The following PTPRR variants were observed in gnomAD, a reference collection of about 807,000 sequenced individuals.
PTPRR encodes protein tyrosine phosphatase receptor type R.
In PTPRR, 38 loss-of-function variants were observed where a neutral mutation model predicts 77.2. That is an observed-to-expected ratio of 0.49 (90% CI 0.38 to 0.65). PTPRR has a LOEUF of 0.65. Ranked by LOEUF, PTPRR falls within the 30% of genes least tolerant of loss-of-function variation. The probability of loss-of-function intolerance (pLI) is 0.00; values close to 1 mark genes in which losing one functional copy is unlikely to be tolerated. For missense variants in PTPRR, 744 were observed against 799.2 expected, an observed-to-expected ratio of 0.93 and a Z score of 0.83; for synonymous variants, 299 against 283.1, an observed-to-expected ratio of 1.06 and a Z score of -0.57.
At chr12:70,893,522 G>A (rs770764776) in intron 1 of PTPRR, among the ~76,000 whole-genome samples, 7 of 151,794 alleles carry the variant, frequency 4.6e-5, no homozygotes, top group African/African-American at 7.3e-5. Context: ...AATATCCATC[G>A]TCTCCTTACT....
At chr12:70,663,075 T>C (rs1886854101) in intron 10 of PTPRR, among the ~76,000 whole-genome samples, 2 of 152,220 alleles carry the variant, frequency 1.3e-5, no homozygotes, top group South Asian at 4.1e-4. Context: ...TGAGAATATC[T>C]AATATGTTAG....
intron 4 of PTPRR, among the ~76,000 whole-genome samples, chr12:70,756,896 T>C (rs1344290040): frequency 6.6e-6 from 1 of 152,162 alleles, no homozygotes; most frequent in African/African-American, 2.4e-5. Flanking sequence ...AGAGAGGAAG[T>C]ACACAGAATA....
intron 1 of PTPRR, 88 bp downstream of exon 1, chr12:70,920,245 C>A: frequency 2.8e-6 from 4 of 1,417,550 alleles, no homozygotes; most frequent in Non-Finnish European, 3.9e-6. Flanking sequence ...AGGCTTTCTT[C>A]GCAAGGCAAG....
chr12:70,681,439 T>C (rs1887654897), intron 10 of PTPRR, among the ~76,000 whole-genome samples: 1 of 152,194 alleles, frequency 6.6e-6, no homozygotes, highest in Non-Finnish European at 1.5e-5. Context: ...AGTGCAGATG[T>C]CTGTGACATT....
rs1438957970 is a variant in PTPRR at position 70,920,409 on chromosome 12, T to C, written c.-19A>G. 6.2e-7 allele frequency: 1 copy of C among 1,609,732 alleles called. No homozygotes were observed. The highest frequency in any genetic ancestry group is 2.2e-5 in the East Asian group (1 of 44,730). On this transcript the variant is annotated 5_prime_UTR_variant, in exon 1 of 14. Transcript: ENST00000283228. ...TCCGCATAGTGTTTGCATTGAGAGG[T>C]GGAGGAGAAACTCCACCACGACCCC...
intron 11 of PTPRR, among the ~76,000 whole-genome samples, chr12:70,661,475 G>A (rs551238052): frequency 1.3e-5 from 2 of 152,230 alleles, no homozygotes; most frequent in Admixed American, 6.5e-5. Flanking sequence ...TTCCTGACAA[G>A]TTATTATAAA....
At chr12:70,804,420 A>G (rs1017780043) in intron 2 of PTPRR, among the ~76,000 whole-genome samples, 4 of 151,958 alleles carry the variant, frequency 2.6e-5, no homozygotes, top group South Asian at 2.1e-4. Context: ...TTAGGCAGCC[A>G]TGGTGATATA....
intron 2 of PTPRR, among the ~76,000 whole-genome samples, chr12:70,891,633 A>G (rs2137116181): frequency 6.6e-6 from 1 of 152,230 alleles, no homozygotes. Flanking sequence ...ACTGTATTTC[A>G]TTTGTCTCTG....
At chr12:70,751,441 C>G (rs1168201946) in intron 5 of PTPRR, among the ~76,000 whole-genome samples, 2 of 152,152 alleles carry the variant, frequency 1.3e-5, no homozygotes, top group African/African-American at 2.4e-5. Flanking sequence ...CCACTTTCTA[C>G]CAGAAGAAAA....
intron 6 of PTPRR, among the ~76,000 whole-genome samples, chr12:70,710,227 GA>G: frequency 6.6e-6 from 1 of 152,198 alleles, no homozygotes; most frequent in South Asian, 2.1e-4. Flanking sequence ...GAACAGAATA[GA>G]GATGCCAGAA....
At chr12:70,784,431 A>G (rs2137002096) in intron 2 of PTPRR, among the ~76,000 whole-genome samples, 1 of 152,222 alleles carries the variant, frequency 6.6e-6, no homozygotes. Context: ...TGCTGCCGAG[A>G]GCTCTCCCTG....
intron 2 of PTPRR, among the ~76,000 whole-genome samples, chr12:70,821,598 G>A (rs1344327771): frequency 6.6e-6 from 1 of 152,050 alleles, no homozygotes; most frequent in Admixed American, 6.5e-5. Flanking sequence ...AGAAAGGCTA[G>A]TGCAGCTGGA....
intron 2 of PTPRR, among the ~76,000 whole-genome samples, chr12:70,808,730 TTC>T (rs1486438740): frequency 6.6e-6 from 1 of 152,192 alleles, no homozygotes; most frequent in Non-Finnish European, 1.5e-5. Flanking sequence ...CACTTGTACA[TTC>T]TCTTAGATCC....
intron 2 of PTPRR, among the ~76,000 whole-genome samples, chr12:70,821,213 C>CTTTATTTTTTTTTTTTTTTTTTTTTT: frequency 3.1e-5 from 1 of 31,972 alleles, no homozygotes; most frequent in Non-Finnish European, 6.1e-5. Flanking sequence ...GGGATCACTG[C>CTTTATTTTTTTTTTTTTTTTTTTTTT]TTTTTTTTTT....
At chr12:70,901,197 G>C (rs1398407578) in intron 1 of PTPRR, among the ~76,000 whole-genome samples, 1 of 151,458 alleles carries the variant, frequency 6.6e-6, no homozygotes, top group African/African-American at 2.4e-5. Context: ...TGGTATGGCA[G>C]TTCCTCAAAA....
chr12:70,681,073 G>A (rs1221629461), intron 10 of PTPRR, among the ~76,000 whole-genome samples: 2 of 152,180 alleles, frequency 1.3e-5, no homozygotes, highest in African/African-American at 2.4e-5. Flanking sequence ...CAGGGTTCAG[G>A]GTGCTGCAGT....
chr12:70,887,185 C>T (rs1210204883), intron 2 of PTPRR, among the ~76,000 whole-genome samples: 1 of 152,082 alleles, frequency 6.6e-6, no homozygotes, highest in African/African-American at 2.4e-5. Context: ...CTCAGTGGCT[C>T]ATGCCTGTAA....
intron 5 of PTPRR, among the ~76,000 whole-genome samples, 167 bp downstream of exon 5, chr12:70,754,023 TC>T (rs1479169987): frequency 6.6e-6 from 1 of 152,174 alleles, no homozygotes; most frequent in African/African-American, 2.4e-5. Flanking sequence ...CCATAAGCTC[TC>T]CTTTAGCAAT....
chr12:70,675,060 C>G (rs1887392956), intron 10 of PTPRR, among the ~76,000 whole-genome samples: 1 of 151,980 alleles, frequency 6.6e-6, no homozygotes, highest in Non-Finnish European at 1.5e-5. Flanking sequence ...TTCTTTATCT[C>G]TGGTAACCTC....
Sources: gnomAD v4.1 joint callset for allele counts (sites outside exome capture counted in the v4.1 genomes callset) on GRCh38, gnomAD v4.1.1 for gene constraint, MANE v1.5 for transcripts, NCBI Gene and HGNC (gene_info 2026-07-23, HGNC 2026-07-21) for gene names.